The following SSH2 variants were observed in gnomAD, a reference collection of about 807,000 sequenced individuals.
SSH2 encodes the protein slingshot protein phosphatase 2, also known as protein phosphatase Slingshot homolog 2.
Under a neutral mutation model 135.2 loss-of-function variants are expected in SSH2, and 37 were observed. The observed-to-expected ratio is 0.27, with a 90% CI of 0.21 to 0.36. The LOEUF (loss-of-function observed/expected upper bound fraction) is 0.36, where lower values mean the gene tolerates loss of function less well. Among genes scored for constraint, SSH2 ranks in the 10% least tolerant of loss-of-function variants. The probability of loss-of-function intolerance (pLI) is 1.00; values close to 1 mark genes in which losing one functional copy is unlikely to be tolerated. For missense variants in SSH2, 1,408 were observed against 1,765.3 expected (o/e 0.80, Z 3.63); for synonymous variants, 628 against 646.2 (o/e 0.97, Z 0.43).
At chr17:29,722,915 C>G (rs947968109) in intron 3 of SSH2, among the ~76,000 whole-genome samples, 2 of 152,248 alleles carry the variant, frequency 1.3e-5, no homozygotes, top group Non-Finnish European at 2.9e-5. Flanking sequence ...AAGAAACCAA[C>G]AATCCGAAGC....
chr17:29,750,310 G>A (rs1331890716), intron 3 of SSH2, among the ~76,000 whole-genome samples: 1 of 150,860 alleles, frequency 6.6e-6, no homozygotes, highest in South Asian at 2.1e-4. Flanking sequence ...GTGGTGGCAC[G>A]CACCTGTAAT....
chr17:29,921,830 G>A (rs370280274), intron 1 of SSH2, among the ~76,000 whole-genome samples: 1 of 152,104 alleles, frequency 6.6e-6, no homozygotes, highest in Admixed American at 6.5e-5. Context: ...TTACAGTAGT[G>A]AGCCACCGCG....
At chr17:29,661,938 TAG>T (rs1369377906) in intron 11 of SSH2, among the ~76,000 whole-genome samples, 1 of 152,156 alleles carries the variant, frequency 6.6e-6, no homozygotes, top group Non-Finnish European at 1.5e-5. Context: ...TTGAAAGACC[TAG>T]AGACCACTTG....
At chr17:29,812,417 G>A (rs1449411781) in intron 2 of SSH2, among the ~76,000 whole-genome samples, 1 of 151,874 alleles carries the variant, frequency 6.6e-6, no homozygotes, top group Non-Finnish European at 1.5e-5. Context: ...CTGAGTAGCT[G>A]GGACTACAGG....
At chr17:29,694,617 C>T (rs562397298) in intron 5 of SSH2, among the ~76,000 whole-genome samples, 2 of 152,160 alleles carry the variant, frequency 1.3e-5, no homozygotes, top group African/African-American at 4.8e-5. Context: ...TGCAGTGAGC[C>T]GAGATTGTGC....
chr17:29,732,854 ACT>A (rs2151190393), intron 3 of SSH2, among the ~76,000 whole-genome samples: 1 of 152,330 alleles, frequency 6.6e-6, no homozygotes, highest in East Asian at 1.9e-4. Context: ...TCGAATACGC[ACT>A]GAGCAATCTC....
rs2035918851 is a variant in SSH2, at chr17:29,636,449, A to G, written c.1781T>C (p.Leu594Pro). 1 of 1,614,106 alleles carries G rather than the reference A, an allele frequency of 6.2e-7. No homozygotes were observed. Among genetic ancestry groups the G allele is most frequent in the Non-Finnish European group, 8.5e-7 (1 of 1,180,046 alleles). Residue 594 changes from leucine (L) to proline (P), a missense_variant, in exon 15 of 16, where the codon CTT (leucine) becomes CCT (proline). Around this residue, in one of 3 missense-constraint regions of SSH2, gnomAD observed 1,080 missense variants for 1,144.5 expected, o/e 0.94. Transcript: ENST00000540801. ...GGCTTTGGATGCATGGCAATTGTCAAGAGGAAATTTTGATTCATTCAGACA... is the reference window on the plus strand; with the variant it reads ...GGCTTTGGATGCATGGCAATTGTCAGGAGGAAATTTTGATTCATTCAGACA... ...GCCLNESKFP[L>P]DNCHASKALI...
intron 3 of SSH2, among the ~76,000 whole-genome samples, chr17:29,778,369 G>A (rs1056566579): frequency 6.6e-6 from 1 of 152,168 alleles, no homozygotes; most frequent in African/African-American, 2.4e-5. Flanking sequence ...GATGGGCGTG[G>A]TAGCTCACGC....
intron 3 of SSH2, among the ~76,000 whole-genome samples, chr17:29,738,542 T>C (rs1034767253): frequency 3.3e-5 from 5 of 151,690 alleles, no homozygotes; most frequent in African/African-American, 1.2e-4. Context: ...TCTTTTTTTT[T>C]CTTTTTTATT....
At chr17:29,878,322 G>A (rs2066073212) in intron 1 of SSH2, among the ~76,000 whole-genome samples, 2 of 152,080 alleles carry the variant, frequency 1.3e-5, no homozygotes, top group East Asian at 3.9e-4. Flanking sequence ...AGCTACTCGG[G>A]AGGCTGAGGC....
At chr17:29,641,230 T>G (rs1232626657) in intron 14 of SSH2, among the ~76,000 whole-genome samples, 1 of 152,264 alleles carries the variant, frequency 6.6e-6, no homozygotes, top group African/African-American at 2.4e-5. Context: ...TTTAGTCGGT[T>G]ACACTAAACT....
At chr17:29,816,485 T>C (rs2042561715) in intron 2 of SSH2, among the ~76,000 whole-genome samples, 1 of 152,190 alleles carries the variant, frequency 6.6e-6, no homozygotes, top group Admixed American at 6.5e-5. Context: ...TTGTTGTATG[T>C]AACTTTAAAA....
chr17:29,797,747 T>C (rs1394611286), intron 2 of SSH2, among the ~76,000 whole-genome samples: 5 of 151,916 alleles, frequency 3.3e-5, no homozygotes, highest in African/African-American at 1.2e-4. Flanking sequence ...AAAAATAAAA[T>C]AGTTAGCCAG....
intron 2 of SSH2, among the ~76,000 whole-genome samples, chr17:29,802,692 A>G (rs939800890): frequency 7.9e-5 from 12 of 151,980 alleles, no homozygotes; most frequent in African/African-American, 2.7e-4. Flanking sequence ...CAGGCAAAAG[A>G]GCTGAAAACT....
chr17:29,709,328 C>T (rs908570928), intron 3 of SSH2, among the ~76,000 whole-genome samples: 18 of 152,110 alleles, frequency 1.2e-4, no homozygotes, highest in Non-Finnish European at 2.1e-4. Context: ...TAGTTTATGG[C>T]GGACGAAATA....
chr17:29,730,369 T>TA (rs1353300952), intron 3 of SSH2, among the ~76,000 whole-genome samples: 1 of 148,466 alleles, frequency 6.7e-6, no homozygotes, highest in Non-Finnish European at 1.5e-5. Flanking sequence ...AATTTGTTTG[T>TA]AACACAAAGG....
intron 3 of SSH2, among the ~76,000 whole-genome samples, chr17:29,769,753 C>T (rs762801544): frequency 4.6e-5 from 7 of 152,246 alleles, no homozygotes; most frequent in Non-Finnish European, 1.0e-4. Context: ...CTAGGCTTAT[C>T]GAACGTGTCC....
At chr17:29,876,675 A>G (rs911981076) in intron 1 of SSH2, among the ~76,000 whole-genome samples, 1 of 152,164 alleles carries the variant, frequency 6.6e-6, no homozygotes, top group Non-Finnish European at 1.5e-5. Context: ...TATGCAGAAG[A>G]ATAAAACTAG....
intron 3 of SSH2, among the ~76,000 whole-genome samples, chr17:29,783,585 C>G (rs921867925): frequency 2.6e-5 from 4 of 151,988 alleles, no homozygotes; most frequent in South Asian, 2.1e-4. Flanking sequence ...TTAGATTGTG[C>G]CCACCAGATT....
Sources: allele counts gnomAD v4.1 joint callset (sites outside exome capture counted in the v4.1 genomes callset), GRCh38; gene constraint gnomAD v4.1.1; regional missense constraint gnomAD v4.1.1; transcripts MANE v1.5; gene names NCBI Gene and HGNC (gene_info 2026-07-23, HGNC 2026-07-21).